The following STK31 variants were observed in gnomAD, a reference collection of about 807,000 sequenced individuals.
STK31 encodes the protein serine/threonine-protein kinase 31.
STK31 carries 89 observed loss-of-function variants against 129.7 expected under a neutral mutation model. The observed-to-expected ratio is 0.69, with a 90% CI of 0.58 to 0.82. The LOEUF is 0.82. STK31 is among the 40% of genes least tolerant of loss of function. STK31 has a pLI of 0.00. For synonymous variants in STK31, 448 were observed against 395.3 expected (o/e 1.13, Z -1.58); for missense variants, 1,187 against 1,176.4 (o/e 1.01, Z -0.13).
chr7:23,763,258 G>A (rs1447032620), intron 11 of STK31, among the ~76,000 whole-genome samples: 4 of 152,130 alleles, frequency 2.6e-5, no homozygotes, highest in African/African-American at 4.8e-5. Context: ...ACATGTTACA[G>A]GGAGAAGGGA....
intron 8 of STK31, among the ~76,000 whole-genome samples, chr7:23,740,281 C>G (rs1787978121): frequency 6.6e-6 from 1 of 152,164 alleles, no homozygotes; most frequent in Non-Finnish European, 1.5e-5. Flanking sequence ...TTTTAATCCA[C>G]TGAAGCCATT....
At chr7:23,808,957 G>GTA (rs1346539234) in intron 22 of STK31, among the ~76,000 whole-genome samples, 1 of 138,686 alleles carries the variant, frequency 7.2e-6, no homozygotes, top group Non-Finnish European at 1.6e-5. Flanking sequence ...GTGTGTGTGT[G>GTA]TGTGTGTGTG....
intron 8 of STK31, among the ~76,000 whole-genome samples, chr7:23,747,649 T>G (rs1180206512): frequency 2.0e-5 from 3 of 152,146 alleles, no homozygotes; most frequent in Non-Finnish European, 4.4e-5. Flanking sequence ...ATTACAGGTG[T>G]GAGCCACCAT....
chr7:23,818,505 C>T (rs1793596065), intron 23 of STK31, among the ~76,000 whole-genome samples: 3 of 152,096 alleles, frequency 2.0e-5, no homozygotes, highest in East Asian at 1.9e-4. Flanking sequence ...TTTTCTATCC[C>T]ATTGGTTTGT....
chr7:23,783,815 C>G, intron 17 of STK31, 152 bp downstream of exon 17: 1 of 568,972 alleles, frequency 1.8e-6, no homozygotes, highest in Non-Finnish European at 3.0e-6. Flanking sequence ...TTCTTATGAC[C>G]CTTTAATAGT....
In STK31 at chr7:23,737,157, A is replaced by C. The variant is rs1350337036; in HGVS notation, c.1017+79A>C. 3 of 1,290,924 alleles carry C rather than the reference A, an allele frequency of 2.3e-6. No homozygotes were observed. The African/African-American group carries it at 4.5e-5, about 19-fold the overall frequency. The allele number at this position is 1,290,924 out of a possible 1,614,324, so 80.0% of individuals were successfully genotyped here. ...ATCTGCTGCTATTTATTTTTCTGTC[A>C]CTTTCCTTTCCTTCCCCACCTCATT... On this transcript the variant is annotated intron_variant, in intron 8 of 23. Transcript: ENST00000355870.
At chr7:23,715,262 C>A (rs2128060819) in intron 3 of STK31, among the ~76,000 whole-genome samples, 1 of 152,146 alleles carries the variant, frequency 6.6e-6, no homozygotes, top group East Asian at 1.9e-4. Context: ...GCAAACACTT[C>A]AGATTGGATG....
Position 23,816,802 on chromosome 7 carries a change from A to G in STK31, c.2829+1590A>G, listed in dbSNP as rs930718773. On this transcript the variant is annotated intron_variant, in intron 23 of 23. Coordinates refer to ENST00000355870, the MANE Select transcript of STK31 (RefSeq NM_031414.5). Reference sequence around the variant, plus strand: ...TTTTGATAGTATTCTCTCTAAAGCAATTCTCTAGGTCCAAGAGGAAAGAAT... The same window carrying G: ...TTTTGATAGTATTCTCTCTAAAGCAGTTCTCTAGGTCCAAGAGGAAAGAAT... Among the ~76,000 whole-genome samples, 9 of 152,222 alleles carry G rather than the reference A, an allele frequency of 5.9e-5. No homozygotes were observed. In the South Asian group the frequency reaches 1.4e-3, roughly 25 times the overall value.
intron 4 of STK31, among the ~76,000 whole-genome samples, chr7:23,718,072 T>C (rs1361624359): frequency 1.3e-5 from 2 of 152,174 alleles, no homozygotes; most frequent in African/African-American, 4.8e-5. Context: ...AACTGTATAC[T>C]TAACAATGGT....
intron 9 of STK31, 114 bp from the exon 10 acceptor site, chr7:23,754,201 C>A: frequency 1.0e-6 from 1 of 1,000,506 alleles, no homozygotes; most frequent in Non-Finnish European, 1.4e-6. Flanking sequence ...GGTACCCCTT[C>A]AAAGCCAGTG....
chr7:23,776,526 C>G (rs185735031), intron 15 of STK31, among the ~76,000 whole-genome samples: 3 of 152,096 alleles, frequency 2.0e-5, no homozygotes, highest in South Asian at 2.1e-4. Context: ...TTGGTCTATT[C>G]AGGGATTCGA....
chr7:23,746,532 C>G (rs1278418079), intron 8 of STK31, among the ~76,000 whole-genome samples: 1 of 152,152 alleles, frequency 6.6e-6, no homozygotes. Context: ...TAACAGTGGC[C>G]TCTAGTGAGT....
chr7:23,788,039 C>A lies in STK31; in HGVS notation c.2547C>A (p.Asp849Glu). The A allele has an allele frequency of 6.2e-7, 1 of 1,611,890 alleles. No individual in the cohort carries two copies. Among genetic ancestry groups the A allele is most frequent in the South Asian group, 1.1e-5 (1 of 90,636 alleles). Residue 849 changes from aspartate to glutamate, a missense_variant, in exon 21 of 24, where the codon GAC becomes GAA. Asp to Glu is a conservative substitution (Grantham distance 45). Around this residue, in one of 5 missense-constraint regions of STK31, gnomAD observed 975 missense variants for 934.9 expected, o/e 1.04. Transcript: ENST00000355870. ...GTCTGCATACATTGCATAAGGCTGA[C>A]ATAATTCATGGATCACTTCATCAGA... ...AQGLHTLHKA[D>E]IIHGSLHQNN...
At chr7:23,712,604 A>T (rs1260791265) in intron 3 of STK31, among the ~76,000 whole-genome samples, 1 of 152,232 alleles carries the variant, frequency 6.6e-6, no homozygotes, top group African/African-American at 2.4e-5. Flanking sequence ...TTGTGAAGTT[A>T]TAGCCCCATC....
chr7:23,762,959 T>G, intron 11 of STK31, 36 bp downstream of exon 11: 1 of 1,484,520 alleles, frequency 6.7e-7, no homozygotes, highest in Non-Finnish European at 9.0e-7. Flanking sequence ...TACGTTAAAT[T>G]GTAAGTTTAT....
At chr7:23,829,719 T>C (rs1362233593) in intron 23 of STK31, among the ~76,000 whole-genome samples, 1 of 152,154 alleles carries the variant, frequency 6.6e-6, no homozygotes, top group Non-Finnish European at 1.5e-5. Context: ...GTTAGTTCTT[T>C]GAAAGTTCAG....
chr7:23,824,827 A>G (rs1011161197), intron 23 of STK31, among the ~76,000 whole-genome samples: 7 of 151,426 alleles, frequency 4.6e-5, no homozygotes, highest in Non-Finnish European at 7.4e-5. Context: ...AATTTTGTCA[A>G]AGGCCTTTTC....
At chr7:23,817,745 T>G (rs1793557292) in intron 23 of STK31, among the ~76,000 whole-genome samples, 1 of 152,236 alleles carries the variant, frequency 6.6e-6, no homozygotes, top group Non-Finnish European at 1.5e-5. Flanking sequence ...GTCTAAAAGT[T>G]GGTCCATTCC....
At chr7:23,816,516 A>G (rs899216046) in intron 23 of STK31, among the ~76,000 whole-genome samples, 2 of 152,208 alleles carry the variant, frequency 1.3e-5, no homozygotes, top group Non-Finnish European at 2.9e-5. Flanking sequence ...GGCTACAGTC[A>G]TCTTAAAGCT....
Sources: gnomAD v4.1 joint callset for allele counts (sites outside exome capture counted in the v4.1 genomes callset) on GRCh38, gnomAD v4.1.1 for gene constraint, gnomAD v4.1.1 regional missense constraint, MANE v1.5 for transcripts, NCBI Gene and HGNC (gene_info 2026-07-23, HGNC 2026-07-21) for gene names.